The following TAB2 variants were observed in gnomAD, a reference collection of about 807,000 sequenced individuals.
The protein encoded by TAB2 is TGF-beta-activated kinase 1 and MAP3K7-binding protein 2.
A neutral mutation model predicts 65.0 loss-of-function variants in TAB2; 3 were observed. That is an observed-to-expected ratio of 0.05 (90% CI 0.02 to 0.12). The LOEUF (loss-of-function observed/expected upper bound fraction) is 0.12. Among genes scored for constraint, TAB2 ranks in the 10% least tolerant of loss-of-function variants. TAB2 has a pLI of 1.00. For synonymous variants in TAB2, 298 were observed against 285.1 expected (o/e 1.05, Z -0.46); for missense variants, 623 against 840.3 (o/e 0.74, Z 3.20).
intron 1 of TAB2, chr6:149,321,427 TTTAG>T (rs1364961657): frequency 2.0e-5 from 3 of 152,240 alleles, no homozygotes; most frequent in Non-Finnish European, 4.4e-5. Context: ...TTATGTTTTC[TTTAG>T]TTAATCACTA....
At chr6:149,326,333 T>A (rs1477953329) in intron 1 of TAB2, among the ~76,000 whole-genome samples, 1 of 151,868 alleles carries the variant, frequency 6.6e-6, no homozygotes, top group African/African-American at 2.4e-5. Context: ...GTTCATAGGC[T>A]TAGCACATTC....
At chr6:149,385,183 C>G (rs1478684553) in intron 3 of TAB2, among the ~76,000 whole-genome samples, 1 of 152,108 alleles carries the variant, frequency 6.6e-6, no homozygotes, top group Non-Finnish European at 1.5e-5. Flanking sequence ...AATCACAACA[C>G]GTTTCTTTTT....
At chr6:149,268,812 C>T (rs1249659079) in intron 1 of TAB2, among the ~76,000 whole-genome samples, 1 of 152,206 alleles carries the variant, frequency 6.6e-6, no homozygotes, top group African/African-American at 2.4e-5. Flanking sequence ...TGAACATATA[C>T]TGCTTGTGTA....
At chr6:149,244,014 C>T in intron 1 of TAB2, 1 of 152,204 alleles carries the variant, frequency 6.6e-6, no homozygotes, top group Non-Finnish European at 1.5e-5. Flanking sequence ...GAAAAGGACA[C>T]CAAAGAAAGC....
intron 1 of TAB2, among the ~76,000 whole-genome samples, chr6:149,325,018 A>G (rs1779559297): frequency 1.3e-5 from 2 of 151,968 alleles, no homozygotes; most frequent in Admixed American, 6.6e-5. Context: ...AGGCTAGGAA[A>G]ATACTGCTTT....
At chr6:149,314,969 A>T (rs1419933103), upstream of TAB2, among the ~76,000 whole-genome samples, 1 of 151,394 alleles carries the variant, frequency 6.6e-6, no homozygotes, top group Non-Finnish European at 1.5e-5. Context: ...GACACTGAAT[A>T]TTTACTGAAT....
At chr6:149,242,546 C>A (rs1332396732) in intron 1 of TAB2, among the ~76,000 whole-genome samples, 1 of 152,156 alleles carries the variant, frequency 6.6e-6, no homozygotes, top group East Asian at 1.9e-4. Flanking sequence ...TCCCACAATA[C>A]CCCAAAAGAG....
chr6:149,382,122 T>A (rs1184823392), intron 3 of TAB2, among the ~76,000 whole-genome samples: 2 of 152,152 alleles, frequency 1.3e-5, no homozygotes, highest in African/African-American at 2.4e-5. Context: ...CCCCCAGCTC[T>A]TTTCCTTTTG....
At chr6:149,267,913 A>T (rs1420182282) in intron 1 of TAB2, among the ~76,000 whole-genome samples, 1 of 152,244 alleles carries the variant, frequency 6.6e-6, no homozygotes, top group Non-Finnish European at 1.5e-5. Flanking sequence ...TCGTATACGC[A>T]GTCTATTGTT....
intron 1 of TAB2, among the ~76,000 whole-genome samples, chr6:149,286,461 G>C (rs1389961202): frequency 6.6e-6 from 1 of 152,186 alleles, no homozygotes; most frequent in Non-Finnish European, 1.5e-5. Flanking sequence ...TAAAGCCAGA[G>C]AGCCCATCAT....
rs540868272 is a variant in TAB2 at position 149,267,236 on chromosome 6, T to C, written c.-121+48460T>C. Reference sequence around the variant, plus strand: ...TGCTGGTGTTTCTGAAGGAATGTGATGAGCTGGGGCTGGTCTGCAAGGCAA... The same window carrying C: ...TGCTGGTGTTTCTGAAGGAATGTGACGAGCTGGGGCTGGTCTGCAAGGCAA... On this transcript the variant is annotated intron_variant, in intron 1 of 1. Coordinates refer to the TAB2 transcript ENST00000606202. Among the ~76,000 whole-genome samples the C allele has an allele frequency of 1.2e-4, 19 of 152,224 alleles. No individual in the cohort carries two copies. The South Asian group carries it at 2.7e-3, about 22-fold the overall frequency.
At chr6:149,272,064 T>C (rs1562395632) in intron 1 of TAB2, among the ~76,000 whole-genome samples, 2 of 151,958 alleles carry the variant, frequency 1.3e-5, no homozygotes, top group East Asian at 1.9e-4. Context: ...TTCTGAGGAA[T>C]GTAATTTTCT....
intron 1 of TAB2, among the ~76,000 whole-genome samples, chr6:149,357,708 C>CTT (rs201601439): frequency 6.8e-6 from 1 of 146,880 alleles, no homozygotes; most frequent in Non-Finnish European, 1.5e-5. Flanking sequence ...CTTTTTTTTT[C>CTT]TTTTTTTTTG....
chr6:149,396,553 T>C (rs918853727), intron 3 of TAB2, among the ~76,000 whole-genome samples: 2 of 152,230 alleles, frequency 1.3e-5, no homozygotes, highest in African/African-American at 4.8e-5. Context: ...GATAGAATCA[T>C]CCCATGTTGT....
At chr6:149,387,467 A>G (rs192474262) in intron 3 of TAB2, among the ~76,000 whole-genome samples, 1 of 152,192 alleles carries the variant, frequency 6.6e-6, no homozygotes, top group African/African-American at 2.4e-5. Context: ...CCATTGTTCT[A>G]TATGTTCTTT....
At chr6:149,272,538 G>A (rs1778382670) in intron 1 of TAB2, among the ~76,000 whole-genome samples, 1 of 152,138 alleles carries the variant, frequency 6.6e-6, no homozygotes, top group African/African-American at 2.4e-5. Context: ...CTCTGCTCCT[G>A]TTGTCACGTT....
upstream of TAB2, among the ~76,000 whole-genome samples, chr6:149,315,946 A>T (rs996969050): frequency 2.0e-5 from 3 of 152,226 alleles, no homozygotes; most frequent in African/African-American, 2.4e-5. Flanking sequence ...TTTTTTAAAA[A>T]TTTGCATAAA....
intron 5 of TAB2, 146 bp downstream of exon 5, chr6:149,398,208 TAA>T: frequency 2.8e-6 from 2 of 710,380 alleles, no homozygotes; most frequent in Non-Finnish European, 2.4e-6. Context: ...AGAATATATT[TAA>T]AAAGTCACCC....
At chr6:149,275,259 A>AGAAT in intron 1 of TAB2, among the ~76,000 whole-genome samples, 1 of 146,678 alleles carries the variant, frequency 6.8e-6, no homozygotes, top group African/African-American at 2.6e-5. Context: ...AAAGAAAGAA[A>AGAAT]GAAAGAAAGA....
Sources: gnomAD v4.1 joint callset for allele counts (sites outside exome capture counted in the v4.1 genomes callset) on GRCh38, gnomAD v4.1.1 for gene constraint, MANE v1.5 for transcripts, NCBI Gene and HGNC (gene_info 2026-07-23, HGNC 2026-07-21) for gene names.